Variants in WASHC4 observed in about 807,000 individuals in gnomAD.
The protein encoded by WASHC4 is WASH complex subunit 7.
In WASHC4, 86 loss-of-function variants were observed where a neutral mutation model predicts 166.6. The observed-to-expected ratio is 0.52, with a 90% CI of 0.43 to 0.62. The LOEUF (loss-of-function observed/expected upper bound fraction) is 0.62. WASHC4 is among the 20% of genes least tolerant of loss of function. The pLI is 0.00. For missense variants in WASHC4, 1,262 were observed against 1,382.4 expected, an observed-to-expected ratio of 0.91 and a Z score of 1.38; for synonymous variants, 446 against 451.6, an observed-to-expected ratio of 0.99 and a Z score of 0.16.
At chr12:105,163,626 C>CGAGTAGCTGA (rs1884634951) in intron 30 of WASHC4, among the ~76,000 whole-genome samples, 2 of 151,970 alleles carry the variant, frequency 1.3e-5, no homozygotes, top group South Asian at 4.1e-4. Context: ...CTCAGCCTCC[C>CGAGTAGCTGA]GAGTAGCTGA....
chr12:105,148,955 G>A, intron 24 of WASHC4: 2 of 984,932 alleles, frequency 2.0e-6, no homozygotes, highest in Non-Finnish European at 2.4e-6. Flanking sequence ...AGGGCTTTTT[G>A]TTATTTATTG....
At chr12:105,135,246 C>T (rs1404397870) in intron 14 of WASHC4, among the ~76,000 whole-genome samples, 2 of 151,928 alleles carry the variant, frequency 1.3e-5, no homozygotes, top group Non-Finnish European at 2.9e-5. Context: ...GCTTTTTATT[C>T]TTCCTACATC....
intron 14 of WASHC4, among the ~76,000 whole-genome samples, chr12:105,136,270 C>T (rs1882308633): frequency 6.6e-6 from 1 of 152,100 alleles, no homozygotes; most frequent in African/African-American, 2.4e-5. Context: ...GTATGTTTGG[C>T]TTTTGTCTTT....
chr12:105,168,378 A>T lies in WASHC4; in HGVS notation c.*1447A>T, dbSNP rs930568702. On this transcript the variant is annotated 3_prime_UTR_variant, in exon 33 of 33. Transcript: ENST00000332180. The stretch of plus-strand genomic sequence containing the variant: ...AGGCATTTAATATTTGTAATTCATA[A>T]TAACTGTAGAAATGGCCCTAAAGCA... 12 of 152,544 alleles carry T rather than the reference A, an allele frequency of 7.9e-5. No homozygotes were observed. 9.4% of individuals were successfully genotyped at this position (152,544 alleles called of 1,614,324 possible).
intron 13 of WASHC4, among the ~76,000 whole-genome samples, chr12:105,133,099 T>A (rs1455248967): frequency 6.6e-6 from 1 of 152,072 alleles, no homozygotes; most frequent in Non-Finnish European, 1.5e-5. Flanking sequence ...TCTCTCTGAG[T>A]CAAAATCCCT....
At chr12:105,126,386 C>T in intron 12 of WASHC4, 24 bp downstream of exon 12, 2 of 1,509,326 alleles carry the variant, frequency 1.3e-6, no homozygotes, top group African/African-American at 1.4e-5. Flanking sequence ...ACTTATTTTT[C>T]AATTTGAGCA....
Position 105,133,788 on chromosome 12 carries a change from C to A in WASHC4, c.1218C>A (p.Tyr406Ter). ...TTGTTAGAGATGTACAGTCTTACTA[C>A]GTCTTTGTGAGCTCATGGATGATGA... ...QSLTKDVQSY[Y>*]VFVSSWMMKM... Residue 406 changes from tyrosine to a stop codon, truncating the protein, a stop_gained, in exon 14 of 33, where the codon TAC becomes TAA. Transcript: ENST00000332180. LOFTEE classifies it high-confidence loss of function. The A allele has an allele frequency of 6.2e-7, 1 of 1,612,084 alleles. No individual in the cohort carries two copies. The highest frequency in any genetic ancestry group is 8.5e-7 in the Non-Finnish European group (1 of 1,178,606).
At chr12:105,118,308 C>A in intron 6 of WASHC4, 138 bp from the exon 7 acceptor site, 1 of 715,390 alleles carries the variant, frequency 1.4e-6, no homozygotes, top group Non-Finnish European at 2.6e-6. Flanking sequence ...GATGCTTGAA[C>A]TTGTCTGGCT....
intron 2 of WASHC4, among the ~76,000 whole-genome samples, chr12:105,113,206 T>C (rs1879852673): frequency 6.6e-6 from 1 of 152,114 alleles, no homozygotes; most frequent in South Asian, 2.1e-4. Flanking sequence ...TATCTGTCAC[T>C]TGGCATTAAG....
intron 25 of WASHC4, among the ~76,000 whole-genome samples, chr12:105,151,126 C>T (rs1181672532): frequency 9.6e-6 from 1 of 104,364 alleles, no homozygotes; most frequent in African/African-American, 3.9e-5. Context: ...GCCTGAGTGA[C>T]AAGAGCAAGA....
intron 24 of WASHC4, chr12:105,148,853 C>T (rs1472432796): frequency 1.0e-6 from 1 of 985,048 alleles, no homozygotes; most frequent in Admixed American, 6.2e-5. Context: ...TAATCTTTTG[C>T]TATTTCCATC....
At position 105,164,243 on chromosome 12, in the gene WASHC4, G is replaced by A. The variant is rs1314751000; in HGVS notation, c.3290G>A (p.Ser1097Asn). 1 of 1,614,094 alleles carries A rather than the reference G, an allele frequency of 6.2e-7. No individual in the cohort carries two copies. The highest frequency in any genetic ancestry group is 8.5e-7 in the Non-Finnish European group (1 of 1,179,972). The change falls in exon 31 of 33, where the codon AGT becomes AAT. Residue 1097 changes from serine to asparagine, a missense_variant. Coordinates refer to ENST00000332180, the MANE Select transcript of WASHC4 (RefSeq NM_015275.3). ...VAKQQNVQSA[S>N]QDEKLLQTMN... ...AAGCAACAGAATGTACAGTCAGCCAGTCAAGATGAAAAACTCTTACAAACC... is the reference window on the plus strand; with the variant it reads ...AAGCAACAGAATGTACAGTCAGCCAATCAAGATGAAAAACTCTTACAAACC...
intron 24 of WASHC4, chr12:105,148,236 C>A (rs1361116357): frequency 1.0e-6 from 1 of 985,106 alleles, no homozygotes; most frequent in Non-Finnish European, 1.2e-6. Flanking sequence ...ATGAAACATA[C>A]AATTTTAAAT....
chr12:105,148,338 C>G, intron 24 of WASHC4: 1 of 985,280 alleles, frequency 1.0e-6, no homozygotes, highest in African/African-American at 1.7e-5. Flanking sequence ...TCCTTGACTT[C>G]TATCATCTAT....
intron 14 of WASHC4, among the ~76,000 whole-genome samples, chr12:105,134,372 A>G (rs1882125772): frequency 6.6e-6 from 1 of 152,110 alleles, no homozygotes; most frequent in Non-Finnish European, 1.5e-5. Context: ...CAGTTGTAGC[A>G]TTTTGTATAT....
At chr12:105,115,594 C>CT (rs1486631512) in intron 5 of WASHC4, 67 bp from the exon 6 acceptor site, 2 of 1,222,830 alleles carry the variant, frequency 1.6e-6, no homozygotes, top group African/African-American at 3.0e-5. Flanking sequence ...ACTTTTCCCC[C>CT]TTTTTTGGTA....
intron 13 of WASHC4, 22 bp from the exon 14 acceptor site, chr12:105,133,748 C>T (rs975359085): frequency 6.8e-6 from 11 of 1,607,076 alleles, no homozygotes; most frequent in Non-Finnish European, 9.4e-6. Flanking sequence ...TGCTGAGTAA[C>T]CCCAATATTT....
chr12:105,147,301 T>A, intron 24 of WASHC4, 155 bp downstream of exon 24: 1 of 641,892 alleles, frequency 1.6e-6, no homozygotes, highest in Non-Finnish European at 2.8e-6. Context: ...AAATGTCTGG[T>A]CCTAAAATTG....
chr12:105,109,128 T>C (rs181982393), intron 1 of WASHC4, among the ~76,000 whole-genome samples: 2 of 152,296 alleles, frequency 1.3e-5, no homozygotes, highest in Admixed American at 1.3e-4. Flanking sequence ...AATAAGGTAT[T>C]AGCTCTTATG....
Sources: allele counts gnomAD v4.1 joint callset (sites outside exome capture counted in the v4.1 genomes callset), GRCh38; gene constraint gnomAD v4.1.1; transcripts MANE v1.5; gene names NCBI Gene and HGNC (gene_info 2026-07-23, HGNC 2026-07-21).